Variants in MORN4 observed in about 807,000 individuals in gnomAD.
MORN4 encodes the protein MORN repeat-containing protein 4.
MORN4 carries 8 observed loss-of-function variants against 16.4 expected under a neutral mutation model. The ratio of observed to expected loss-of-function variants is 0.49; its 90% CI spans 0.29 to 0.88. The LOEUF (loss-of-function observed/expected upper bound fraction) is 0.88, where lower values mean the gene tolerates loss of function less well. Among genes scored for constraint, MORN4 ranks in the 40% least tolerant of loss-of-function variants. The probability of loss-of-function intolerance (pLI) is 0.09; values close to 1 mark genes in which losing one functional copy is unlikely to be tolerated. For synonymous variants in MORN4, 53 were observed against 68.9 expected (o/e 0.77, Z 1.14); for missense variants, 159 against 182.9 (o/e 0.87, Z 0.75).
chr10:97,623,772 G>A (rs2041324815), intron 1 of MORN4, among the ~76,000 whole-genome samples: 1 of 146,750 alleles, frequency 6.8e-6, no homozygotes, highest in Non-Finnish European at 1.5e-5. Flanking sequence ...GTCTCACTCT[G>A]TTGCCCAGGC....
intron 2 of MORN4, among the ~76,000 whole-genome samples, chr10:97,617,821 C>G (rs1214896121): frequency 6.6e-6 from 1 of 151,494 alleles, no homozygotes; most frequent in Non-Finnish European, 1.5e-5. Flanking sequence ...GATCGCGCCA[C>G]TGCACTCCAG....
intron 1 of MORN4, among the ~76,000 whole-genome samples, chr10:97,626,321 G>A (rs2041345886): frequency 6.6e-6 from 1 of 151,520 alleles, no homozygotes; most frequent in Admixed American, 6.6e-5. Flanking sequence ...AGGTTGCAGT[G>A]AGCCAAGATC....
At chr10:97,619,726 G>A (rs552867921) in intron 1 of MORN4, 43 bp from the exon 2 acceptor site, 30 of 1,520,904 alleles carry the variant, frequency 2.0e-5, no homozygotes, top group African/African-American at 9.6e-5. Context: ...ATGGAATGGC[G>A]GGAGGAAAGG....
chr10:97,627,978 G>A (rs1218676261), intron 1 of MORN4, among the ~76,000 whole-genome samples: 2 of 152,178 alleles, frequency 1.3e-5, no homozygotes, highest in African/African-American at 4.8e-5. Flanking sequence ...TAACATTAAT[G>A]AGAGCATGAG....
chr10:97,632,413 T>C (rs1423800828), intron 1 of MORN4, among the ~76,000 whole-genome samples: 4 of 151,930 alleles, frequency 2.6e-5, no homozygotes, highest in Admixed American at 2.6e-4. Context: ...GAGACGAGGT[T>C]TCACCATCTT....
intron 1 of MORN4, among the ~76,000 whole-genome samples, chr10:97,622,693 C>CAA (rs1322656539): frequency 1.8e-4 from 10 of 55,798 alleles, no homozygotes; most frequent in Non-Finnish European, 3.1e-4. Flanking sequence ...GACCCTGTCT[C>CAA]AAAAAAAAAA....
chr10:97,632,245 G>A (rs1449107667), intron 1 of MORN4, among the ~76,000 whole-genome samples: 1 of 122,708 alleles, frequency 8.1e-6, no homozygotes, highest in Non-Finnish European at 1.6e-5. Context: ...TTGAGACGGA[G>A]TCTTGCTCTG....
At chr10:97,620,488 C>CAAA (rs1210683127) in intron 1 of MORN4, among the ~76,000 whole-genome samples, 424 of 41,104 alleles carry the variant, frequency 0.01, 27 homozygotes, top group African/African-American at 0.034. Flanking sequence ...GACTCTGTCT[C>CAAA]AAAAAAAAAA....
At chr10:97,631,086 A>G (rs972455841) in intron 1 of MORN4, among the ~76,000 whole-genome samples, 2 of 152,228 alleles carry the variant, frequency 1.3e-5, no homozygotes, top group African/African-American at 2.4e-5. Context: ...TCCTGGGATC[A>G]AGTGATCTGC....
chr10:97,621,509 G>A (rs2041293483), intron 1 of MORN4, among the ~76,000 whole-genome samples: 1 of 152,116 alleles, frequency 6.6e-6, no homozygotes, highest in African/African-American at 2.4e-5. Context: ...TGATAATGAA[G>A]CAAATTGTAA....
At chr10:97,631,637 A>G (rs1267766476) in intron 1 of MORN4, among the ~76,000 whole-genome samples, 1 of 151,900 alleles carries the variant, frequency 6.6e-6, no homozygotes, top group African/African-American at 2.4e-5. Context: ...AAAAACTGAC[A>G]TAAAGAGGAA....
upstream of MORN4, among the ~76,000 whole-genome samples, chr10:97,634,041 C>G (rs2041420392): frequency 6.6e-6 from 1 of 152,180 alleles, no homozygotes; most frequent in Non-Finnish European, 1.5e-5. Context: ...GTAATCCCAG[C>G]ACTTCGGGAG....
chr10:97,617,796 G>A (rs2041249894), intron 2 of MORN4, among the ~76,000 whole-genome samples: 1 of 151,982 alleles, frequency 6.6e-6, no homozygotes, highest in South Asian at 2.1e-4. Context: ...GGAGGCAGAG[G>A]TTTCAGTGAG....
chr10:97,629,762 T>C (rs1015531450), intron 1 of MORN4, among the ~76,000 whole-genome samples: 1 of 151,580 alleles, frequency 6.6e-6, no homozygotes, highest in Non-Finnish European at 1.5e-5. Flanking sequence ...TTTTTGTTTG[T>C]TTGTTTTGTT....
chr10:97,616,565 T>A, intron 4 of MORN4, 113 bp downstream of exon 4: 1 of 1,232,090 alleles, frequency 8.1e-7, no homozygotes, highest in Admixed American at 1.9e-5. Flanking sequence ...TGGATAGGTG[T>A]CAGGGACGGC....
intron 1 of MORN4, among the ~76,000 whole-genome samples, chr10:97,630,081 T>C (rs1020437489): frequency 1.3e-5 from 2 of 151,900 alleles, no homozygotes; most frequent in East Asian, 1.9e-4. Context: ...CCCGCCACCA[T>C]GCCCAGCTAA....
intron 1 of MORN4, among the ~76,000 whole-genome samples, chr10:97,625,419 T>C (rs117498333): frequency 2.6e-5 from 4 of 152,324 alleles, no homozygotes; most frequent in Non-Finnish European, 5.9e-5. Context: ...AAATTAAATA[T>C]CTGAGAGTCA....
chr10:97,616,947 G>C (rs1055652178), intron 3 of MORN4, among the ~76,000 whole-genome samples, 160 bp from the exon 4 acceptor site: 12 of 152,166 alleles, frequency 7.9e-5, no homozygotes, highest in African/African-American at 2.4e-4. Context: ...AAGGAGCAGA[G>C]AGTATATATG....
chr10:97,621,363 G>C (rs111701000), intron 1 of MORN4, among the ~76,000 whole-genome samples: 3 of 152,308 alleles, frequency 2.0e-5, no homozygotes, highest in African/African-American at 7.2e-5. Flanking sequence ...GGGAGGAAAA[G>C]AGGCGACCTC....
Sources: gnomAD v4.1 joint callset for allele counts (sites outside exome capture counted in the v4.1 genomes callset) on GRCh38, gnomAD v4.1.1 for gene constraint, MANE v1.5 for transcripts, NCBI Gene and HGNC (gene_info 2026-07-23, HGNC 2026-07-21) for gene names.